NGEF: variants seen among roughly 807,000 people sequenced by gnomAD.
NGEF encodes neuronal guanine nucleotide exchange factor, also known as ephexin-1.
Under a neutral mutation model 80.9 loss-of-function variants are expected in NGEF, and 31 were observed. The ratio of observed to expected loss-of-function variants is 0.38; its 90% CI spans 0.29 to 0.52. NGEF has a LOEUF of 0.52. Among genes scored for constraint, NGEF ranks in the 20% least tolerant of loss-of-function variants. The pLI is 0.84. For missense variants in NGEF, 709 were observed against 926.2 expected (o/e 0.77, Z 3.04); for synonymous variants, 371 against 370.2 (o/e 1.00, Z -0.03).
chr2:232,984,848 C>A (rs1270788467), intron 1 of NGEF, among the ~76,000 whole-genome samples: 5 of 152,160 alleles, frequency 3.3e-5, no homozygotes, highest in Admixed American at 2.6e-4. Flanking sequence ...CTTCAAGGAA[C>A]CAAAGGGCTC....
At chr2:232,981,459 C>T (rs1161294776) in intron 1 of NGEF, among the ~76,000 whole-genome samples, 1 of 152,098 alleles carries the variant, frequency 6.6e-6, no homozygotes, top group African/African-American at 2.4e-5. Context: ...CTGACCCTCC[C>T]CACGTTGCTC....
At chr2:233,009,394 A>T (rs1190747685) in intron 1 of NGEF, among the ~76,000 whole-genome samples, 1 of 151,976 alleles carries the variant, frequency 6.6e-6, no homozygotes, top group African/African-American at 2.4e-5. Flanking sequence ...GGGTCTTGCT[A>T]TTTTGCCCAG....
chr2:232,908,870 T>C (rs1692634675), intron 5 of NGEF, among the ~76,000 whole-genome samples: 1 of 152,222 alleles, frequency 6.6e-6, no homozygotes, highest in African/African-American at 2.4e-5. Context: ...GCTTTCTAAT[T>C]GACTGAAATC....
chr2:232,929,255 A>G (rs988156477), intron 3 of NGEF, among the ~76,000 whole-genome samples: 5 of 152,216 alleles, frequency 3.3e-5, no homozygotes, highest in Non-Finnish European at 5.9e-5. Flanking sequence ...GGGGGATGCA[A>G]ACATTCCTGG....
rs572917567 is a variant in NGEF, at chr2:232,935,057, AT to A, written c.384-7872del. On this transcript the variant is annotated intron_variant, in intron 3 of 14. Coordinates refer to ENST00000264051, the MANE Select transcript of NGEF (RefSeq NM_019850.3). ...TAATTGGTGAATGAATTAAAGTTATATTTTTTAAAATAAGTATTTAGTTATT... is the reference window on the plus strand; with the variant it reads ...TAATTGGTGAATGAATTAAAGTTATATTTTTAAAATAAGTATTTAGTTATT... 1.4e-4 allele frequency among the ~76,000 whole-genome samples: 22 copies of A among 152,230 alleles called. 1 individual carries two copies. Among genetic ancestry groups the A allele is most frequent in the African/African-American group, 5.1e-4 (21 of 41,544 alleles).
At chr2:232,969,029 C>T (rs1011909398) in intron 3 of NGEF, among the ~76,000 whole-genome samples, 3 of 152,192 alleles carry the variant, frequency 2.0e-5, no homozygotes, top group Non-Finnish European at 2.9e-5. Flanking sequence ...TTTCACACAA[C>T]GGCCAAATAG....
rs191200874 is a variant in NGEF at position 232,964,580 on chromosome 2, C to T, written c.383+5634G>A. Among the ~76,000 whole-genome samples, 1,015 of 152,178 alleles carry T rather than the reference C, an allele frequency of 6.7e-3. 4 individuals carry two copies. Among genetic ancestry groups the T allele is most frequent in the Non-Finnish European group, 0.011 (772 of 68,004 alleles). ...GTAGTGACAGGTGCCTGTAATCCCACATATTCGGGAGGCAGGAGAATCACT... is the reference window on the plus strand; with the variant it reads ...GTAGTGACAGGTGCCTGTAATCCCATATATTCGGGAGGCAGGAGAATCACT... On this transcript the variant is annotated intron_variant, in intron 3 of 14. Transcript: ENST00000264051.
At chr2:233,007,436 T>C (rs1695108345) in intron 1 of NGEF, among the ~76,000 whole-genome samples, 2 of 152,200 alleles carry the variant, frequency 1.3e-5, no homozygotes, top group African/African-American at 4.8e-5. Context: ...CTGCTCAGGC[T>C]GATCGTGGGT....
intron 5 of NGEF, among the ~76,000 whole-genome samples, chr2:232,912,498 G>A (rs972426297): frequency 6.6e-6 from 1 of 152,120 alleles, no homozygotes; most frequent in Non-Finnish European, 1.5e-5. Flanking sequence ...GTCTTTCTCT[G>A]ATTTTTCTAT....
chr2:232,897,967 G>C (rs1009379646), intron 5 of NGEF, among the ~76,000 whole-genome samples: 1 of 151,316 alleles, frequency 6.6e-6, no homozygotes, highest in Non-Finnish European at 1.5e-5. Flanking sequence ...ACACAGCAGC[G>C]GGCCTCACAG....
intron 3 of NGEF, among the ~76,000 whole-genome samples, chr2:232,939,113 G>A (rs931943926): frequency 2.7e-5 from 4 of 149,044 alleles, no homozygotes; most frequent in Non-Finnish European, 5.9e-5. Context: ...GGGATGAAGA[G>A]GTTGCAGTGA....
intron 1 of NGEF, among the ~76,000 whole-genome samples, chr2:232,985,475 A>G (rs769927064): frequency 2.0e-5 from 3 of 152,052 alleles, no homozygotes; most frequent in Non-Finnish European, 2.9e-5. Context: ...AAATTAGGCC[A>G]GGCGCAGTGG....
At chr2:232,902,296 T>C (rs1046826488) in intron 5 of NGEF, among the ~76,000 whole-genome samples, 6 of 152,086 alleles carry the variant, frequency 3.9e-5, no homozygotes, top group Admixed American at 3.9e-4. Context: ...CTATCCTCCT[T>C]CTGCAGACAA....
At chr2:232,967,278 T>C (rs1694081350) in intron 3 of NGEF, among the ~76,000 whole-genome samples, 1 of 152,162 alleles carries the variant, frequency 6.6e-6, no homozygotes, top group African/African-American at 2.4e-5. Flanking sequence ...AAGCAGATGC[T>C]GCCATATTTC....
intron 3 of NGEF, among the ~76,000 whole-genome samples, chr2:232,958,600 T>C (rs1693882300): frequency 6.6e-6 from 1 of 152,276 alleles, no homozygotes; most frequent in East Asian, 1.9e-4. Context: ...TGGGCCACCA[T>C]GGTCAATGGT....
intron 5 of NGEF, among the ~76,000 whole-genome samples, chr2:232,909,107 G>A (rs187870970): frequency 1.5e-4 from 23 of 152,212 alleles, no homozygotes; most frequent in Non-Finnish European, 2.6e-4. Flanking sequence ...AGCTTCCAGG[G>A]CAACACTGAA....
chr2:232,984,276 G>A (rs1694492843), intron 1 of NGEF, among the ~76,000 whole-genome samples: 1 of 147,772 alleles, frequency 6.8e-6, no homozygotes, highest in Non-Finnish European at 1.5e-5. Context: ...TTTTTTTGTA[G>A]GGGTGGATGT....
chr2:232,882,171 C>T lies in NGEF; in HGVS notation c.1837+15G>A. The T allele has an allele frequency of 1.2e-6, 2 of 1,612,212 alleles. No homozygotes were observed. Among genetic ancestry groups the T allele is most frequent in the Non-Finnish European group, 8.5e-7 (1 of 1,179,050 alleles). On this transcript the variant is annotated intron_variant, in intron 13 of 14. Coordinates refer to ENST00000264051, the MANE Select transcript of NGEF (RefSeq NM_019850.3). Reference sequence around the variant, plus strand: ...CCAAGGACAAATGGCGCCCCCTTACCCACCGGTGACTTACCCAGCAGCCGG... The same window carrying T: ...CCAAGGACAAATGGCGCCCCCTTACTCACCGGTGACTTACCCAGCAGCCGG...
intron 1 of NGEF, among the ~76,000 whole-genome samples, chr2:233,009,094 GC>G (rs1334668447): frequency 1.3e-5 from 2 of 152,026 alleles, no homozygotes; most frequent in Non-Finnish European, 2.9e-5. Context: ...ACCACACCCG[GC>G]CCATCTTCAT....
Sources: allele counts gnomAD v4.1 joint callset (sites outside exome capture counted in the v4.1 genomes callset), GRCh38; gene constraint gnomAD v4.1.1; transcripts MANE v1.5; gene names NCBI Gene and HGNC (gene_info 2026-07-23, HGNC 2026-07-21).